Variants in SLAIN2 observed in about 807,000 individuals in gnomAD.
SLAIN2 encodes the protein SLAIN family member 2.
Under a neutral mutation model 56.6 loss-of-function variants are expected in SLAIN2, and 31 were observed. That is an observed-to-expected ratio of 0.55 (90% CI 0.41 to 0.74). The LOEUF (loss-of-function observed/expected upper bound fraction) is 0.74, where lower values mean the gene tolerates loss of function less well. Among genes scored for constraint, SLAIN2 ranks in the 30% least tolerant of loss-of-function variants. The pLI, the probability that SLAIN2 is intolerant of heterozygous loss-of-function variation, is 0.00. For missense variants in SLAIN2, 777 were observed against 754.2 expected (o/e 1.03, Z -0.35); for synonymous variants, 317 against 284.9 (o/e 1.11, Z -1.13).
chr4:48,360,464 C>T (rs1715293092), intron 1 of SLAIN2, among the ~76,000 whole-genome samples: 1 of 151,750 alleles, frequency 6.6e-6, no homozygotes, highest in Non-Finnish European at 1.5e-5. Context: ...GTGGTGTGCA[C>T]GCTTGTAATT....
rs1224033841 is a variant in SLAIN2, at chr4:48,382,843, C to T, written c.1138C>T (p.Pro380Ser). Residue 380 changes from proline to serine, a missense_variant, in exon 5 of 8, where the codon CCT becomes TCT. Coordinates refer to ENST00000264313, the MANE Select transcript of SLAIN2 (RefSeq NM_020846.2). ...GIEYSRVSPQPMISRLQQPRL... is the reference protein window; with the variant it reads ...GIEYSRVSPQSMISRLQQPRL... ...AGAATATAGTAGAGTGTCCCCACAG[C>T]CTATGATTAGCCGCTTACAGCAACC... 1.9e-6 allele frequency: 3 copies of T among 1,613,650 alleles called. No individual in the cohort carries two copies. The highest frequency in any genetic ancestry group is 1.7e-5 in the Admixed American group (1 of 59,954).
intron 1 of SLAIN2, among the ~76,000 whole-genome samples, chr4:48,358,734 T>C (rs1715236470): frequency 6.6e-6 from 1 of 151,996 alleles, no homozygotes; most frequent in Admixed American, 6.6e-5. Context: ...TTTTATTTTT[T>C]TTTGAGATGG....
rs1716230598 is a variant in SLAIN2, at chr4:48,391,301, AG to A, written c.1360+7521del. 3.9e-5 allele frequency among the ~76,000 whole-genome samples: 6 copies of A among 152,254 alleles called. No homozygotes were observed. In the Middle Eastern group the frequency reaches 0.014, roughly 345 times the overall value. ...ATGTGTAGTGGAATCCACCTGTATC[AG>A]GGGAGACTTTAAGTAGAAGACTGTA... On this transcript the variant is annotated intron_variant, in intron 6 of 7. Coordinates refer to ENST00000264313, the MANE Select transcript of SLAIN2 (RefSeq NM_020846.2).
At chr4:48,413,779 G>A (rs1716927659) in intron 6 of SLAIN2, among the ~76,000 whole-genome samples, 1 of 152,114 alleles carries the variant, frequency 6.6e-6, no homozygotes, top group African/African-American at 2.4e-5. Context: ...ATGCAGCTAA[G>A]GGAAGTTGTA....
intron 1 of SLAIN2, among the ~76,000 whole-genome samples, chr4:48,368,248 A>G (rs185804515): frequency 5.3e-4 from 80 of 151,754 alleles, no homozygotes; most frequent in African/African-American, 1.8e-3. Context: ...TGGGGTTTGT[A>G]TTTTTAGTAG....
chr4:48,384,734 T>G (rs1214476914), intron 6 of SLAIN2, among the ~76,000 whole-genome samples: 1 of 152,182 alleles, frequency 6.6e-6, no homozygotes, highest in African/African-American at 2.4e-5. Flanking sequence ...ATACTTGAGT[T>G]TTTATTTTGT....
rs1218166059 is a variant in SLAIN2, at chr4:48,414,569, TTA to T, written c.1361-5554_1361-5553del. Among the ~76,000 whole-genome samples the T allele has an allele frequency of 4.5e-3, 514 of 114,230 alleles. 3 individuals carry two copies. Among genetic ancestry groups the T allele is most frequent in the African/African-American group, 0.014 (445 of 32,000 alleles). The allele number at this position is 114,230 out of a possible 152,430, so 74.9% of individuals were successfully genotyped here. ...TGTGGTATTTTTTTTTTTTTTTTTT[TTA>T]TTATACTCTAAGTTTTAGGGTACAT... is the stretch of plus-strand genomic sequence containing the variant. On this transcript the variant is annotated intron_variant, in intron 6 of 7. Coordinates refer to ENST00000264313, the MANE Select transcript of SLAIN2 (RefSeq NM_020846.2).
At chr4:48,394,797 T>G (rs1716336248) in intron 6 of SLAIN2, 1 of 659,104 alleles carries the variant, frequency 1.5e-6, no homozygotes, top group South Asian at 2.4e-5. Flanking sequence ...GGATTTATTC[T>G]GTTATTTGGA....
chr4:48,410,616 C>T (rs1716821200), intron 6 of SLAIN2, among the ~76,000 whole-genome samples: 1 of 152,192 alleles, frequency 6.6e-6, no homozygotes, highest in Non-Finnish European at 1.5e-5. Flanking sequence ...CCCTTCCCTT[C>T]CCCAAGTCCG....
intron 3 of SLAIN2, 90 bp downstream of exon 3, chr4:48,378,150 C>T: frequency 7.1e-7 from 1 of 1,401,020 alleles, no homozygotes; most frequent in East Asian, 2.3e-5. Context: ...AGTTCGAGTT[C>T]ATTTTATTTA....
At chr4:48,385,081 G>A (rs1716067172) in intron 6 of SLAIN2, among the ~76,000 whole-genome samples, 1 of 152,148 alleles carries the variant, frequency 6.6e-6, no homozygotes, top group African/African-American at 2.4e-5. Context: ...CAGCATAGAC[G>A]AAGATCAGAG....
intron 3 of SLAIN2, among the ~76,000 whole-genome samples, chr4:48,379,403 C>T (rs900280910): frequency 1.3e-5 from 2 of 152,046 alleles, no homozygotes; most frequent in Non-Finnish European, 2.9e-5. Flanking sequence ...ACTTATTGAA[C>T]ACCAATTACT....
chr4:48,413,198 A>G (rs1472552663), intron 6 of SLAIN2, among the ~76,000 whole-genome samples: 1 of 151,088 alleles, frequency 6.6e-6, no homozygotes, highest in Non-Finnish European at 1.5e-5. Flanking sequence ...ACTGTTCTCC[A>G]TCCTGGGTGA....
chr4:48,396,123 C>T (rs1272373713), intron 6 of SLAIN2, among the ~76,000 whole-genome samples: 2 of 151,864 alleles, frequency 1.3e-5, no homozygotes, highest in Non-Finnish European at 2.9e-5. Flanking sequence ...TTAAAATTTG[C>T]CTATAGGGGT....
At chr4:48,409,968 CT>C (rs1218070391) in intron 6 of SLAIN2, among the ~76,000 whole-genome samples, 1 of 152,106 alleles carries the variant, frequency 6.6e-6, no homozygotes, top group African/African-American at 2.4e-5. Flanking sequence ...TGATTATATG[CT>C]TAGTGTAATT....
At chr4:48,391,276 A>G (rs139517768) in intron 6 of SLAIN2, among the ~76,000 whole-genome samples, 24 of 152,340 alleles carry the variant, frequency 1.6e-4, no homozygotes, top group African/African-American at 5.5e-4. Flanking sequence ...TGAAAGGAAC[A>G]TGTGTAGTGG....
At position 48,347,252 on chromosome 4, in the gene SLAIN2, G is replaced by A. The variant is rs182068519; in HGVS notation, c.389+5124G>A. Among the ~76,000 whole-genome samples the A allele has an allele frequency of 1.7e-3, 261 of 152,180 alleles. 3 individuals carry two copies. The highest frequency in any genetic ancestry group is 6.0e-3 in the African/African-American group (251 of 41,502). ...CTTTTTGGCATCAGGGACCGGTTTC[G>A]TGGAAGACAATTTTTCTGTGGACCA... is the stretch of plus-strand genomic sequence containing the variant. On this transcript the variant is annotated intron_variant, in intron 1 of 7. Coordinates refer to ENST00000264313, the MANE Select transcript of SLAIN2 (RefSeq NM_020846.2).
At chr4:48,389,164 A>G (rs1459575657) in intron 6 of SLAIN2, among the ~76,000 whole-genome samples, 1 of 152,268 alleles carries the variant, frequency 6.6e-6, no homozygotes, top group East Asian at 1.9e-4. Flanking sequence ...AAACATTTAT[A>G]GAACATCTAT....
chr4:48,366,650 C>CT (rs1472036232), intron 1 of SLAIN2, among the ~76,000 whole-genome samples: 8 of 152,170 alleles, frequency 5.3e-5, no homozygotes, highest in African/African-American at 1.9e-4. Flanking sequence ...GAATTTGAAT[C>CT]TAAGATGTTT....
Sources: allele counts gnomAD v4.1 joint callset (sites outside exome capture counted in the v4.1 genomes callset), GRCh38; gene constraint gnomAD v4.1.1; transcripts MANE v1.5; gene names NCBI Gene and HGNC (gene_info 2026-07-23, HGNC 2026-07-21).